Variants in IFT43 observed in about 807,000 individuals in gnomAD.
IFT43 encodes the protein intraflagellar transport protein 43 homolog.
A neutral mutation model predicts 32.3 loss-of-function variants in IFT43; 33 were observed. That is an observed-to-expected ratio of 1.02 (90% confidence interval 0.77 to 1.37). The LOEUF (loss-of-function observed/expected upper bound fraction) is 1.37. Among genes scored for constraint, IFT43 ranks in the 40% most tolerant of loss-of-function variants. The pLI is 0.00. For synonymous variants in IFT43, 93 were observed against 98.2 expected (o/e 0.95, Z 0.31); for missense variants, 274 against 265.9 (o/e 1.03, Z -0.21).
At chr14:75,994,640 A>T (rs1279562630) in intron 2 of IFT43, among the ~76,000 whole-genome samples, 1 of 152,226 alleles carries the variant, frequency 6.6e-6, no homozygotes, top group African/African-American at 2.4e-5. Context: ...ACCTGTTGCA[A>T]ATCAGGCTTG....
chr14:76,050,633 T>G (rs569335386), intron 3 of IFT43, among the ~76,000 whole-genome samples: 3 of 151,994 alleles, frequency 2.0e-5, no homozygotes, highest in Admixed American at 2.0e-4. Flanking sequence ...GTGGTGAGAG[T>G]CTTTTTGGCC....
At chr14:76,062,808 T>G (rs947242337) in intron 5 of IFT43, among the ~76,000 whole-genome samples, 1 of 148,850 alleles carries the variant, frequency 6.7e-6, no homozygotes, top group Non-Finnish European at 1.5e-5. Flanking sequence ...TCCCAGCTAC[T>G]CGGGAGGCTG....
chr14:76,078,951 AG>A (rs2037458878), intron 5 of IFT43, among the ~76,000 whole-genome samples: 1 of 152,194 alleles, frequency 6.6e-6, no homozygotes, highest in Non-Finnish European at 1.5e-5. Flanking sequence ...GTAGAGAAGT[AG>A]CGAGTCAGGG....
chr14:76,082,481 A>G, intron 6 of IFT43, 114 bp downstream of exon 6: 1 of 1,239,532 alleles, frequency 8.1e-7, no homozygotes, highest in Non-Finnish European at 1.2e-6. Flanking sequence ...GTTGGGCTCC[A>G]TCCAGGGTTC....
chr14:76,079,151 G>A (rs1216892669), intron 5 of IFT43, among the ~76,000 whole-genome samples: 3 of 152,216 alleles, frequency 2.0e-5, no homozygotes, highest in Non-Finnish European at 4.4e-5. Flanking sequence ...GAAAGCCCAT[G>A]TGGGGCATGG....
At chr14:76,037,534 C>T (rs1249234818) in intron 3 of IFT43, among the ~76,000 whole-genome samples, 1 of 152,178 alleles carries the variant, frequency 6.6e-6, no homozygotes, top group Non-Finnish European at 1.5e-5. Context: ...ACATTTTATA[C>T]TTGTAACCCT....
At chr14:76,022,261 A>T in intron 2 of IFT43, 66 bp from the exon 3 acceptor site, 1 of 1,425,706 alleles carries the variant, frequency 7.0e-7, no homozygotes. Flanking sequence ...AAAAAATAGA[A>T]AATAAAAAAT....
At position 76,083,715 on chromosome 14, in the gene IFT43, A is replaced by G. The variant is rs7155945; in HGVS notation, c.*138A>G. On this transcript the variant is annotated 3_prime_UTR_variant, in exon 9 of 9. Coordinates refer to ENST00000314067, the MANE Select transcript of IFT43 (RefSeq NM_001102564.3). ...TCAGTCAACCACATTGGATAATTCA[A>G]TTGCAATAAATTGCTTATTCTGTGC... The G allele has an allele frequency of 7.4e-4, 593 of 803,230 alleles. 3 individuals carry two copies. The African/African-American group carries it at 7.6e-3, about 10-fold the overall frequency. 49.8% of individuals were successfully genotyped at this position (803,230 alleles called of 1,614,324 possible). A position where few individuals can be genotyped will look rare whatever the true frequency, so the allele number is the denominator to read the frequency against.
chr14:76,023,916 G>T (rs1277447026), intron 3 of IFT43, among the ~76,000 whole-genome samples: 1 of 152,128 alleles, frequency 6.6e-6, no homozygotes, highest in Non-Finnish European at 1.5e-5. Context: ...ATTAGCCAGG[G>T]GTGTTCAAGA....
At chr14:76,014,627 G>A (rs2036147973) in intron 2 of IFT43, among the ~76,000 whole-genome samples, 1 of 152,044 alleles carries the variant, frequency 6.6e-6, no homozygotes, top group African/African-American at 2.4e-5. Flanking sequence ...TTCCAATCCA[G>A]GACAAGCCCC....
At chr14:76,015,315 C>T (rs1357013689) in intron 2 of IFT43, among the ~76,000 whole-genome samples, 1 of 152,182 alleles carries the variant, frequency 6.6e-6, no homozygotes, top group Non-Finnish European at 1.5e-5. Flanking sequence ...ATGCCCAAGC[C>T]TACTTTGCAG....
intron 1 of IFT43, chr14:75,986,324 A>T: frequency 8.2e-7 from 1 of 1,224,794 alleles, no homozygotes; most frequent in South Asian, 1.4e-5. Context: ...CCCCGTGGGG[A>T]GGTGGGAGTT....
At chr14:76,083,916 C>A (rs527717683), downstream of IFT43, 2 of 482,598 alleles carry the variant, frequency 4.1e-6, no homozygotes, top group Non-Finnish European at 8.1e-6. Flanking sequence ...GTTCACTTCT[C>A]GGGAGGTTTC....
chr14:76,059,312 CT>C lies in IFT43; in HGVS notation c.249-9del. On this transcript the variant is annotated splice_polypyrimidine_tract_variant and intron_variant, in intron 4 of 8. Coordinates refer to ENST00000314067, the MANE Select transcript of IFT43 (RefSeq NM_001102564.3). ...ACTCATTTTTTGCTGTCCTTTTCTTCTTTTTTGGGGGCAGTTTCCGCCTCAG... is the reference window on the plus strand; with the variant it reads ...ACTCATTTTTTGCTGTCCTTTTCTTCTTTTTGGGGGCAGTTTCCGCCTCAG... 5.0e-6 allele frequency: 8 copies of C among 1,613,950 alleles called. No individual in the cohort carries two copies. Among genetic ancestry groups the C allele is most frequent in the Non-Finnish European group, 6.8e-6 (8 of 1,179,864 alleles).
At chr14:76,013,523 C>T (rs576779356) in intron 2 of IFT43, among the ~76,000 whole-genome samples, 4 of 152,120 alleles carry the variant, frequency 2.6e-5, no homozygotes, top group African/African-American at 4.8e-5. Flanking sequence ...GGGAGACAGC[C>T]GTTTTTTGAA....
chr14:76,062,206 G>A (rs1049511165), intron 5 of IFT43, among the ~76,000 whole-genome samples: 8 of 151,886 alleles, frequency 5.3e-5, no homozygotes, highest in Non-Finnish European at 1.0e-4. Context: ...AAGTAGCTGG[G>A]ACTACAGGTG....
chr14:76,000,128 A>G (rs576568350), intron 2 of IFT43, among the ~76,000 whole-genome samples: 1 of 152,328 alleles, frequency 6.6e-6, no homozygotes, highest in South Asian at 2.1e-4. Context: ...TACCACTCAC[A>G]TTATTAACTT....
intron 3 of IFT43, among the ~76,000 whole-genome samples, chr14:76,045,808 C>T (rs2036797828): frequency 6.6e-6 from 1 of 152,224 alleles, no homozygotes; most frequent in Non-Finnish European, 1.5e-5. Context: ...CTGCATCTTT[C>T]TCACGGGTCT....
At chr14:75,987,477 C>T (rs868028463) in intron 1 of IFT43, among the ~76,000 whole-genome samples, 2 of 152,014 alleles carry the variant, frequency 1.3e-5, no homozygotes, top group Non-Finnish European at 2.9e-5. Flanking sequence ...TGGAAAGCAC[C>T]CAGGAAACCC....
Sources: gnomAD v4.1 joint callset for allele counts (sites outside exome capture counted in the v4.1 genomes callset) on GRCh38, gnomAD v4.1.1 for gene constraint, MANE v1.5 for transcripts, NCBI Gene and HGNC (gene_info 2026-07-23, HGNC 2026-07-21) for gene names.